The following HELLS variants were observed in gnomAD, a reference collection of about 807,000 sequenced individuals.
HELLS encodes helicase, lymphoid specific, also known as lymphoid-specific helicase.
HELLS carries 32 observed loss-of-function variants against 120.0 expected under a neutral mutation model. That is an observed-to-expected ratio of 0.27 (90% CI 0.20 to 0.36). The LOEUF (loss-of-function observed/expected upper bound fraction) is 0.36, where lower values mean the gene tolerates loss of function less well. HELLS is among the 10% of genes least tolerant of loss of function. HELLS has a pLI of 1.00. For synonymous variants in HELLS, 341 were observed against 323.4 expected, an observed-to-expected ratio of 1.05 and a Z score of -0.58; for missense variants, 650 against 993.4, an observed-to-expected ratio of 0.65 and a Z score of 4.65.
chr10:94,559,076 C>G (rs1843419749), intron 4 of HELLS, among the ~76,000 whole-genome samples: 1 of 152,192 alleles, frequency 6.6e-6, no homozygotes, highest in African/African-American at 2.4e-5. Context: ...ATTCCTGACA[C>G]CGTCATGGTC....
Position 94,593,552 on chromosome 10 carries a change from A to G in HELLS, c.2025A>G (p.Arg675=), listed in dbSNP as rs1386438982. 1 of 1,613,852 alleles carries G rather than the reference A, an allele frequency of 6.2e-7. No homozygotes were observed. The highest frequency in any genetic ancestry group is 1.3e-5 in the African/African-American group (1 of 74,934). Residue 675 remains arginine, a synonymous_variant, in exon 18 of 22, where the codon CGA becomes CGG. Transcript: ENST00000348459. ...TGTTTATCTTCTTAGTGAGTACACG[A>G]GCTGGTGGCCTGGGCATTAATCTGA... is the stretch of plus-strand genomic sequence containing the variant. ...PEVFIFLVST[R]AGGLGINLTA...
At chr10:94,605,084 C>A (rs1478633159), downstream of HELLS, among the ~76,000 whole-genome samples, 3 of 104,308 alleles carry the variant, frequency 2.9e-5, no homozygotes, top group South Asian at 4.3e-4. Flanking sequence ...CCCCCCCCCC[C>A]CTTTTTTTTT....
chr10:94,565,082 A>C (rs1843725042), intron 6 of HELLS, among the ~76,000 whole-genome samples: 1 of 152,180 alleles, frequency 6.6e-6, no homozygotes, highest in Non-Finnish European at 1.5e-5. Flanking sequence ...CACGCCTGTA[A>C]TCCCAGCATT....
At chr10:94,554,015 A>G in intron 2 of HELLS, 111 bp from the exon 3 acceptor site, 1 of 1,010,052 alleles carries the variant, frequency 9.9e-7, no homozygotes, top group Non-Finnish European at 1.4e-6. Flanking sequence ...TTGGTTTGAA[A>G]GTGTTTGGTT....
intron 12 of HELLS, among the ~76,000 whole-genome samples, chr10:94,585,979 G>A (rs1845123015): frequency 2.0e-5 from 3 of 152,118 alleles, no homozygotes; most frequent in African/African-American, 4.8e-5. Context: ...GTGTTTCAGC[G>A]GTATAGTGTG....
intron 2 of HELLS, among the ~76,000 whole-genome samples, chr10:94,548,112 CTT>C (rs1842824668): frequency 6.6e-6 from 1 of 152,150 alleles, no homozygotes; most frequent in Non-Finnish European, 1.5e-5. Context: ...TTCTTTCTCA[CTT>C]TGTTTCTTGA....
At chr10:94,596,792 G>A in intron 19 of HELLS, 68 bp from the exon 20 acceptor site, 1 of 797,098 alleles carries the variant, frequency 1.3e-6, no homozygotes, top group South Asian at 1.7e-5. Context: ...CATTGTGATT[G>A]GTTTGTAATA....
In HELLS at chr10:94,567,527, A is replaced by C. The variant is rs906293027; in HGVS notation, c.436-3861A>C. Among the ~76,000 whole-genome samples the C allele has an allele frequency of 1.4e-4, 22 of 152,058 alleles. 1 individual carries two copies. The highest frequency in any genetic ancestry group is 5.3e-4 in the African/African-American group (22 of 41,428). On this transcript the variant is annotated intron_variant, in intron 6 of 21. Coordinates refer to ENST00000348459, the MANE Select transcript of HELLS (RefSeq NM_018063.5). ...TGGTCAGGCTGGTCTCGAACTCCCGATCTCAGGTGATCCACCCACCTTGGC... is the reference window on the plus strand; with the variant it reads ...TGGTCAGGCTGGTCTCGAACTCCCGCTCTCAGGTGATCCACCCACCTTGGC...
intron 9 of HELLS, among the ~76,000 whole-genome samples, chr10:94,575,760 G>GC (rs1844418089): frequency 7.8e-6 from 1 of 128,118 alleles, no homozygotes. Flanking sequence ...TTGTTGGGGG[G>GC]GGGGTTGTGT....
At chr10:94,604,100 G>A (rs1854035), downstream of HELLS, among the ~76,000 whole-genome samples, 71,895 of 149,882 alleles carry the variant, frequency 0.48, 17,670 homozygotes, top group East Asian at 0.78. Context: ...TGCTGGGATT[G>A]CAGGCGTGAG....
chr10:94,584,671 T>A (rs2134088243), intron 12 of HELLS, among the ~76,000 whole-genome samples: 1 of 152,272 alleles, frequency 6.6e-6, no homozygotes, highest in Admixed American at 6.5e-5. Context: ...TAGATAGATA[T>A]TCCTTAGAAA....
intron 12 of HELLS, among the ~76,000 whole-genome samples, chr10:94,587,310 A>G (rs1845217431): frequency 3.9e-5 from 6 of 152,168 alleles, no homozygotes; most frequent in Admixed American, 2.6e-4. Flanking sequence ...TATGAGGTAT[A>G]TGTTTTGATA....
In HELLS at chr10:94,573,453, A is replaced by ATATTTTATTT. The variant is rs72368124; in HGVS notation, c.478-485_478-476dup. Among the ~76,000 whole-genome samples the ATATTTTATTT allele has an allele frequency of 2.1e-3, 321 of 149,886 alleles. 1 individual carries two copies. Among genetic ancestry groups the ATATTTTATTT allele is most frequent in the Middle Eastern group, 6.8e-3 (2 of 292 alleles). On this transcript the variant is annotated intron_variant, in intron 7 of 21. Transcript: ENST00000348459. ...TTGTAAGGGTTATTCTCAGATTTTTATATTTTATTTTATTTTATTTTATTT... is the reference window on the plus strand; with the variant it reads ...TTGTAAGGGTTATTCTCAGATTTTTATATTTTATTTTATTTTATTTTATTTTATTTTATTT...
rs753956049 is a variant in HELLS, at chr10:94,562,685, T to C, written c.334-6T>C. 2 of 1,573,782 alleles carry C rather than the reference T, an allele frequency of 1.3e-6. No individual in the cohort carries two copies. Among genetic ancestry groups the C allele is most frequent in the Non-Finnish European group, 1.7e-6 (2 of 1,151,274 alleles). On this transcript the variant is annotated splice_region_variant and splice_polypyrimidine_tract_variant and intron_variant, in intron 4 of 21. Coordinates refer to ENST00000348459, the MANE Select transcript of HELLS (RefSeq NM_018063.5). ...AAAATCAATATTCTGAATCCTTGTTTTGTAGGGTAAAAATTCAATTGATGC... is the reference window on the plus strand; with the variant it reads ...AAAATCAATATTCTGAATCCTTGTTCTGTAGGGTAAAAATTCAATTGATGC...
intron 2 of HELLS, among the ~76,000 whole-genome samples, chr10:94,553,246 A>G (rs1179511165): frequency 6.6e-6 from 1 of 151,316 alleles, no homozygotes; most frequent in African/African-American, 2.4e-5. Flanking sequence ...AGCAAATTAC[A>G]CATACCTTTT....
chr10:94,561,230 A>G (rs1843542688), intron 4 of HELLS, among the ~76,000 whole-genome samples: 1 of 151,840 alleles, frequency 6.6e-6, no homozygotes, highest in Non-Finnish European at 1.5e-5. Flanking sequence ...ACCCACACCC[A>G]TACCTTGGCC....
chr10:94,572,215 TC>T (rs1485355496), intron 7 of HELLS, among the ~76,000 whole-genome samples: 2 of 152,208 alleles, frequency 1.3e-5, no homozygotes, highest in African/African-American at 4.8e-5. Flanking sequence ...TAAGATAAAG[TC>T]TAGATGTAAT....
intron 11 of HELLS, 114 bp from the exon 12 acceptor site, chr10:94,582,849 G>C (rs778465494): frequency 1.4e-5 from 8 of 557,044 alleles, no homozygotes; most frequent in Non-Finnish European, 2.5e-5. Flanking sequence ...CTAAGGATTT[G>C]ATGCAACAAT....
rs1180468355 is a variant in HELLS, at chr10:94,580,131, A to G, written c.1033-1195A>G. 1.4e-3 allele frequency among the ~76,000 whole-genome samples: 50 copies of G among 35,202 alleles called. 1 individual carries two copies. The highest frequency in any genetic ancestry group is 2.0e-4 in the Non-Finnish European group (4 of 20,242). 23.1% of individuals were successfully genotyped at this position (35,202 alleles called of 152,430 possible). On this transcript the variant is annotated intron_variant, in intron 10 of 21. Transcript: ENST00000348459. ...CCATTATAAAAGTATATATATATAT[A>G]TATATATATATATATATATATATAT...
Sources: gnomAD v4.1 joint callset for allele counts (sites outside exome capture counted in the v4.1 genomes callset) on GRCh38, gnomAD v4.1.1 for gene constraint, MANE v1.5 for transcripts, NCBI Gene and HGNC (gene_info 2026-07-23, HGNC 2026-07-21) for gene names.